GALNT13: variants seen among roughly 807,000 people sequenced by gnomAD.
GALNT13 encodes the protein polypeptide N-acetylgalactosaminyltransferase 13.
Under a neutral mutation model 64.2 loss-of-function variants are expected in GALNT13, and 28 were observed. That is an observed-to-expected ratio of 0.44 (90% CI 0.32 to 0.60). The LOEUF is 0.60. Among genes scored for constraint, GALNT13 ranks in the 20% least tolerant of loss-of-function variants. GALNT13 has a pLI of 0.05. For synonymous variants in GALNT13, 214 were observed against 224.6 expected, an observed-to-expected ratio of 0.95 and a Z score of 0.42; for missense variants, 577 against 669.8, an observed-to-expected ratio of 0.86 and a Z score of 1.53.
the GALNT13 span, among the ~76,000 whole-genome samples, chr2:153,104,818 A>G: frequency 6.6e-6 from 1 of 152,106 alleles, no homozygotes; most frequent in East Asian, 1.9e-4. Context: ...CTTTGGTTCT[A>G]TTATCTCTTT....
chr2:153,677,131 T>C, the GALNT13 span, among the ~76,000 whole-genome samples: 2 of 152,082 alleles, frequency 1.3e-5, no homozygotes, highest in African/African-American at 4.8e-5. Flanking sequence ...GAAAACCCTA[T>C]AGTCTCTTCC....
chr2:154,343,279 G>T (rs1695874932), intron 9 of GALNT13, among the ~76,000 whole-genome samples: 1 of 152,012 alleles, frequency 6.6e-6, no homozygotes, highest in South Asian at 2.1e-4. Flanking sequence ...ATTGTTACCT[G>T]CCTCAAGAGA....
At chr2:153,326,676 G>A in the GALNT13 span, among the ~76,000 whole-genome samples, 1 of 152,148 alleles carries the variant, frequency 6.6e-6, no homozygotes, top group South Asian at 2.1e-4. Flanking sequence ...TGTAAGGCAG[G>A]CCTGGTGGTA....
the GALNT13 span, among the ~76,000 whole-genome samples, chr2:153,796,459 A>G: frequency 6.6e-6 from 1 of 152,222 alleles, no homozygotes; most frequent in African/African-American, 2.4e-5. Context: ...GGTGAAAATG[A>G]TCATGTCATG....
At position 154,127,569 on chromosome 2, in the gene GALNT13, T is replaced by G. The variant is rs542349058; in HGVS notation, c.143-12768T>G. Among the ~76,000 whole-genome samples the G allele has an allele frequency of 3.3e-5, 5 of 151,582 alleles. No homozygotes were observed. In the South Asian group the frequency reaches 1.0e-3, roughly 31 times the overall value. On this transcript the variant is annotated intron_variant, in intron 3 of 12. Coordinates refer to ENST00000392825, the MANE Select transcript of GALNT13 (RefSeq NM_052917.4). ...AGAGGTGAAGAGGAAATATCAAATA[T>G]TATAAAACAAAAAAAGGAGAGTCAA... is the stretch of plus-strand genomic sequence containing the variant.
chr2:153,561,240 TA>T, the GALNT13 span, among the ~76,000 whole-genome samples: 1 of 151,922 alleles, frequency 6.6e-6, no homozygotes, highest in Non-Finnish European at 1.5e-5. Flanking sequence ...TTCAAATTCT[TA>T]TGCTATATAT....
chr2:154,445,495 G>A (rs1701520956), intron 12 of GALNT13, among the ~76,000 whole-genome samples: 1 of 151,626 alleles, frequency 6.6e-6, no homozygotes, highest in African/African-American at 2.4e-5. Context: ...GTTTTGAACA[G>A]TATGGGTGGA....
At chr2:153,243,918 A>G in the GALNT13 span, among the ~76,000 whole-genome samples, 6 of 152,116 alleles carry the variant, frequency 3.9e-5, no homozygotes, top group Non-Finnish European at 8.8e-5. Context: ...TAAAAGATTT[A>G]TGAAAATCTT....
rs1417609987 is a variant in GALNT13 at position 154,039,701 on chromosome 2, G to A, written c.142+95062G>A. Among the ~76,000 whole-genome samples the A allele has an allele frequency of 1.4e-5, 2 of 139,150 alleles. 1 individual carries two copies. The highest frequency in any genetic ancestry group is 3.3e-5 in the Non-Finnish European group (2 of 60,624). 91.3% of individuals were successfully genotyped at this position (139,150 alleles called of 152,430 possible). ...GAGGAAAAAGTTCTAGTGTTCTGTA[G>A]CACTGTAGGGTGAATATACCTAACA... is the stretch of plus-strand genomic sequence containing the variant. On this transcript the variant is annotated intron_variant, in intron 3 of 12. Coordinates refer to ENST00000392825, the MANE Select transcript of GALNT13 (RefSeq NM_052917.4).
intron 4 of GALNT13, among the ~76,000 whole-genome samples, chr2:154,174,091 A>T (rs1020018408): frequency 6.6e-6 from 1 of 152,148 alleles, no homozygotes; most frequent in Non-Finnish European, 1.5e-5. Flanking sequence ...AATTAGATAT[A>T]GATAATTTAA....
At chr2:153,268,192 A>G in the GALNT13 span, among the ~76,000 whole-genome samples, 1 of 152,242 alleles carries the variant, frequency 6.6e-6, no homozygotes, top group Admixed American at 6.5e-5. Context: ...AATCAAAAGC[A>G]AATTAGTTAC....
the GALNT13 span, among the ~76,000 whole-genome samples, chr2:153,201,908 T>C: frequency 2.0e-5 from 3 of 151,762 alleles, no homozygotes; most frequent in Non-Finnish European, 4.4e-5. Flanking sequence ...TACCCTTTCA[T>C]GTCAATGAAA....
At chr2:153,281,574 A>C in the GALNT13 span, among the ~76,000 whole-genome samples, 2 of 152,150 alleles carry the variant, frequency 1.3e-5, no homozygotes, top group Non-Finnish European at 2.9e-5. Context: ...AATTCTTGTA[A>C]GGCTGGTCTG....
chr2:153,257,354 G>A, the GALNT13 span, among the ~76,000 whole-genome samples: 6 of 152,112 alleles, frequency 3.9e-5, no homozygotes, highest in African/African-American at 1.4e-4. Context: ...CCACTGTCTG[G>A]CACTCCCTAG....
At chr2:153,398,775 T>A in the GALNT13 span, among the ~76,000 whole-genome samples, 66 of 143,480 alleles carry the variant, frequency 4.6e-4, 1 homozygote, top group Middle Eastern at 0.014. Flanking sequence ...GGGTTGTTTG[T>A]TTTTTTCTTG....
the GALNT13 span, among the ~76,000 whole-genome samples, chr2:153,216,924 T>C: frequency 6.6e-6 from 1 of 152,010 alleles, no homozygotes; most frequent in Non-Finnish European, 1.5e-5. Context: ...AGAAATCTTA[T>C]AGTTTTAGGT....
chr2:153,416,989 T>C, the GALNT13 span, among the ~76,000 whole-genome samples: 263 of 152,070 alleles, frequency 1.7e-3, no homozygotes, highest in African/African-American at 6.0e-3. Flanking sequence ...TGGAGACAAA[T>C]AAAGTGGAGG....
chr2:153,550,442 A>G, the GALNT13 span, among the ~76,000 whole-genome samples: 1 of 151,948 alleles, frequency 6.6e-6, no homozygotes, highest in African/African-American at 2.4e-5. Context: ...CATGTTGGCC[A>G]GGCTGGTCTC....
chr2:154,072,695 C>A (rs1406314566), intron 3 of GALNT13, among the ~76,000 whole-genome samples: 3 of 151,964 alleles, frequency 2.0e-5, no homozygotes, highest in Non-Finnish European at 4.4e-5. Flanking sequence ...ACCTATCTGT[C>A]TACTCCTTAC....
Sources: gnomAD v4.1 joint callset for allele counts (sites outside exome capture counted in the v4.1 genomes callset) on GRCh38, gnomAD v4.1.1 for gene constraint, MANE v1.5 for transcripts, NCBI Gene and HGNC (gene_info 2026-07-23, HGNC 2026-07-21) for gene names.